The following ROBO2 variants were observed in gnomAD, a reference collection of about 807,000 sequenced individuals.
ROBO2 encodes roundabout guidance receptor 2, also known as roundabout homolog 2.
Under a neutral mutation model 160.8 loss-of-function variants are expected in ROBO2, and 53 were observed. The observed-to-expected ratio is 0.33, with a 90% CI of 0.26 to 0.41. ROBO2 has a LOEUF of 0.41. ROBO2 is among the 10% of genes least tolerant of loss of function. The pLI, the probability that ROBO2 is intolerant of heterozygous loss-of-function variation, is 1.00. For synonymous variants in ROBO2, 664 were observed against 611.7 expected, an observed-to-expected ratio of 1.09 and a Z score of -1.26; for missense variants, 1,577 against 1,722.4, an observed-to-expected ratio of 0.92 and a Z score of 1.49.
At chr3:76,214,385 C>T (rs2107344497) in intron 2 of ROBO2, among the ~76,000 whole-genome samples, 1 of 152,294 alleles carries the variant, frequency 6.6e-6, no homozygotes, top group African/African-American at 2.4e-5. Flanking sequence ...CCAGGAAGCA[C>T]AAGGGGTCAG....
At chr3:76,655,742 G>GAAGGAAGGAAGGA (rs2091487434) in intron 2 of ROBO2, among the ~76,000 whole-genome samples, 1 of 140,526 alleles carries the variant, frequency 7.1e-6, no homozygotes, top group African/African-American at 2.6e-5. Context: ...GGGAGGGAGG[G>GAAGGAAGGAAGGA]AGGAAAGAAG....
intron 2 of ROBO2, among the ~76,000 whole-genome samples, chr3:76,044,474 A>G (rs1431270579): frequency 6.6e-6 from 1 of 152,068 alleles, no homozygotes; most frequent in Non-Finnish European, 1.5e-5. Context: ...ATTATTGTAA[A>G]GATTTCTGTG....
chr3:76,126,286 C>T (rs72896505), intron 2 of ROBO2, among the ~76,000 whole-genome samples: 8,027 of 151,936 alleles, frequency 0.053, 423 homozygotes, highest in East Asian at 0.15. Context: ...TTATTTTTTC[C>T]GCTTTTGATT....
chr3:77,541,640 T>G (rs1268249857), intron 6 of ROBO2, among the ~76,000 whole-genome samples: 4 of 152,230 alleles, frequency 2.6e-5, no homozygotes, highest in African/African-American at 7.2e-5. Context: ...TAAGTGTTGA[T>G]TAAACACTAA....
chr3:76,278,845 C>G (rs1708079283), intron 2 of ROBO2, among the ~76,000 whole-genome samples: 1 of 151,812 alleles, frequency 6.6e-6, no homozygotes, highest in African/African-American at 2.4e-5. Context: ...GCCACTAGTC[C>G]TCCTCTATAG....
chr3:77,360,710 T>C (rs1402924943), intron 2 of ROBO2, among the ~76,000 whole-genome samples: 1 of 152,126 alleles, frequency 6.6e-6, no homozygotes, highest in Non-Finnish European at 1.5e-5. Context: ...CAAGTAGTTT[T>C]TATGCATACA....
intron 2 of ROBO2, among the ~76,000 whole-genome samples, chr3:77,343,027 G>A (rs1482067807): frequency 2.0e-5 from 3 of 150,704 alleles, no homozygotes; most frequent in African/African-American, 7.3e-5. Flanking sequence ...TTTTCTCTCT[G>A]TCTTCACATG....
intron 2 of ROBO2, among the ~76,000 whole-genome samples, chr3:76,869,390 C>G (rs994529835): frequency 7.6e-6 from 1 of 132,256 alleles, no homozygotes; most frequent in Non-Finnish European, 1.5e-5. Flanking sequence ...GACTCTGTCG[C>G]CCAGGCTGGA....
chr3:76,054,174 C>T (rs1419921003), intron 2 of ROBO2, among the ~76,000 whole-genome samples: 1 of 152,022 alleles, frequency 6.6e-6, no homozygotes, highest in Non-Finnish European at 1.5e-5. Flanking sequence ...AATAAGGCAA[C>T]CTCTATCATG....
intron 1 of ROBO2, among the ~76,000 whole-genome samples, chr3:77,066,613 G>C (rs559043937): frequency 1.1e-4 from 17 of 152,240 alleles, no homozygotes; most frequent in Non-Finnish European, 2.2e-4. Flanking sequence ...AGGGAAATAA[G>C]TTAATGTATA....
chr3:76,017,058 G>A (rs1409224447), intron 2 of ROBO2, among the ~76,000 whole-genome samples: 1 of 152,098 alleles, frequency 6.6e-6, no homozygotes, highest in Non-Finnish European at 1.5e-5. Context: ...ATTGTAAAAT[G>A]GGTATGAGGA....
chr3:76,846,785 A>C (rs1361664078), intron 2 of ROBO2, among the ~76,000 whole-genome samples: 3 of 152,134 alleles, frequency 2.0e-5, no homozygotes, highest in Non-Finnish European at 4.4e-5. Context: ...CTTATCAGCA[A>C]AGCAGCCGAC....
At chr3:77,421,388 T>C (rs2077702215) in intron 2 of ROBO2, among the ~76,000 whole-genome samples, 2 of 152,162 alleles carry the variant, frequency 1.3e-5, no homozygotes, top group Admixed American at 6.5e-5. Flanking sequence ...ACATTTTTTT[T>C]CTATGGCCAT....
chr3:76,106,796 G>A (rs936007184), intron 2 of ROBO2, among the ~76,000 whole-genome samples: 6 of 152,062 alleles, frequency 3.9e-5, no homozygotes, highest in Non-Finnish European at 8.8e-5. Context: ...TATAATGGAA[G>A]GGTAATACCA....
At chr3:76,273,312 A>T (rs1465445330) in intron 2 of ROBO2, among the ~76,000 whole-genome samples, 1 of 151,256 alleles carries the variant, frequency 6.6e-6, no homozygotes, top group Non-Finnish European at 1.5e-5. Flanking sequence ...TATGCTTAGA[A>T]TAATAAGATT....
At chr3:76,929,782 AC>A (rs1240772924) in intron 2 of ROBO2, among the ~76,000 whole-genome samples, 4 of 152,136 alleles carry the variant, frequency 2.6e-5, no homozygotes, top group Admixed American at 1.3e-4. Flanking sequence ...AAGAGACTCC[AC>A]TGTGTGTGGA....
intron 2 of ROBO2, among the ~76,000 whole-genome samples, chr3:77,001,399 T>G (rs775618504): frequency 1.3e-5 from 2 of 152,126 alleles, no homozygotes; most frequent in Non-Finnish European, 2.9e-5. Flanking sequence ...TGAAACACAA[T>G]TTCATCGGTA....
chr3:76,888,459 AC>A (rs2074086101), intron 2 of ROBO2, among the ~76,000 whole-genome samples: 2 of 152,162 alleles, frequency 1.3e-5, no homozygotes, highest in African/African-American at 4.8e-5. Flanking sequence ...CAACTTGCTT[AC>A]TATAAATAGG....
intron 2 of ROBO2, among the ~76,000 whole-genome samples, chr3:77,390,673 C>T (rs2074632185): frequency 1.3e-5 from 2 of 152,084 alleles, no homozygotes; most frequent in Non-Finnish European, 2.9e-5. Flanking sequence ...GATAATAAAG[C>T]AACTATGATC....
Sources: gnomAD v4.1 joint callset for allele counts (sites outside exome capture counted in the v4.1 genomes callset) on GRCh38, gnomAD v4.1.1 for gene constraint, MANE v1.5 for transcripts, NCBI Gene and HGNC (gene_info 2026-07-23, HGNC 2026-07-21) for gene names.